EPN1: variants seen among roughly 807,000 people sequenced by gnomAD.
EPN1 encodes epsin-1.
EPN1 carries 25 observed loss-of-function variants against 56.9 expected under a neutral mutation model. The ratio of observed to expected loss-of-function variants is 0.44; its 90% CI spans 0.32 to 0.61. The LOEUF (loss-of-function observed/expected upper bound fraction) is 0.61, where lower values mean the gene tolerates loss of function less well. EPN1 is among the 20% of genes least tolerant of loss of function. The pLI, the probability that EPN1 is intolerant of heterozygous loss-of-function variation, is 0.05. For synonymous variants in EPN1, 411 were observed against 361.8 expected, an observed-to-expected ratio of 1.14 and a Z score of -1.54; for missense variants, 785 against 823.7, an observed-to-expected ratio of 0.95 and a Z score of 0.58.
chr19:55,693,348 C>G (rs368106628), intron 9 of EPN1: 3 of 349,148 alleles, frequency 8.6e-6, no homozygotes, highest in Non-Finnish European at 1.6e-5. Flanking sequence ...CCAGGTGTCT[C>G]AAAGAACACG....
rs1208932697 is a variant in EPN1, at chr19:55,701,488, TTC to T, written c.*6136_*6137del. 1.3e-5 allele frequency: 2 copies of T among 152,286 alleles called. No homozygotes were observed. Among genetic ancestry groups the T allele is most frequent in the Middle Eastern group, 3.4e-3 (1 of 294 alleles). The allele number at this position is 152,286 out of a possible 1,614,324, so 9.4% of individuals were successfully genotyped here. ...AAATGATACTGTTTCCTGTATTTTTTTCTCTTAGTATCTTAAGAAATACATGA... is the reference window on the plus strand; with the variant it reads ...AAATGATACTGTTTCCTGTATTTTTTTCTTAGTATCTTAAGAAATACATGA... On this transcript the variant is annotated 3_prime_UTR_variant, in exon 11 of 11. Coordinates refer to ENST00000270460, the MANE Select transcript of EPN1 (RefSeq NM_001130072.2).
In EPN1 at chr19:55,695,800, C is replaced by T. The variant is rs1157915770; in HGVS notation, c.*444C>T. On this transcript the variant is annotated 3_prime_UTR_variant, in exon 11 of 11. Transcript: ENST00000270460. The surrounding 1 kb of genome is among the most constrained non-coding windows in gnomAD (Gnocchi z 4.4). Reference sequence around the variant, plus strand: ...ATTCCCATCTGTGATTTCGTGTGTCCCCCAGAGCCCCTTCATCCAGGGACC... The same window carrying T: ...ATTCCCATCTGTGATTTCGTGTGTCTCCCAGAGCCCCTTCATCCAGGGACC... 1.2e-5 allele frequency: 2 copies of T among 162,030 alleles called. No individual in the cohort carries two copies. Among genetic ancestry groups the T allele is most frequent in the African/African-American group, 2.4e-5 (1 of 41,604 alleles). The allele number at this position is 162,030 out of a possible 1,614,324, so 10.0% of individuals were successfully genotyped here. A position where few individuals can be genotyped will look rare whatever the true frequency, so the allele number is the denominator to read the frequency against.
chr19:55,678,826 C>T lies in EPN1; in HGVS notation c.199C>T (p.His67Tyr). Residue 67 changes from histidine (H) to tyrosine (Y), a missense_variant, in exon 2 of 11, where the codon CAT becomes TAT. Coordinates refer to ENST00000270460, the MANE Select transcript of EPN1 (RefSeq NM_001130072.2). The stretch of plus-strand genomic sequence containing the variant: ...CATGATCTGGAAGCGGCTCAATGAC[C>T]ATGGCAAGAACTGGCGTCACGTTTA... ...MSMIWKRLND[H>Y]GKNWRHVYKA... 1 of 1,613,132 alleles carries T rather than the reference C, an allele frequency of 6.2e-7. No individual in the cohort carries two copies. The highest frequency in any genetic ancestry group is 2.2e-5 in the East Asian group (1 of 44,864).
chr19:55,678,208 A>G (rs1985568326), intron 1 of EPN1, among the ~76,000 whole-genome samples: 1 of 152,208 alleles, frequency 6.6e-6, no homozygotes, highest in African/African-American at 2.4e-5. Flanking sequence ...AGATGACCGC[A>G]TGGAGCCCCA....
chr19:55,692,324 C>T (rs966236292), intron 7 of EPN1, among the ~76,000 whole-genome samples: 13 of 142,558 alleles, frequency 9.1e-5, no homozygotes, highest in East Asian at 2.1e-4. Context: ...CAAGGCAGAG[C>T]GTGTGTGACG....
Position 55,706,280 on chromosome 19 carries a change from C to CTTTTTTTTTTTTTTTTTT in EPN1, c.*10926_*10927insTTTTTTTTTTTTTTTTTT, listed in dbSNP as rs1323034565. 5 of 129,314 alleles carry CTTTTTTTTTTTTTTTTTT rather than the reference C, an allele frequency of 3.9e-5. No homozygotes were observed. The highest frequency in any genetic ancestry group is 2.3e-4 in the South Asian group (1 of 4,286). The allele number at this position is 129,314 out of a possible 1,614,324, so 8.0% of individuals were successfully genotyped here. On this transcript the variant is annotated 3_prime_UTR_variant, in exon 11 of 11. Transcript: ENST00000270460. Reference sequence around the variant, plus strand: ...TTTCTTCCTTTCTTCTCTTTTTCTTCTTCTTTTTTTTTTTTTTTTAAAAGA... The same window carrying CTTTTTTTTTTTTTTTTTT: ...TTTCTTCCTTTCTTCTCTTTTTCTTCTTTTTTTTTTTTTTTTTTTTCTTTTTTTTTTTTTTTTAAAAGA...
At chr19:55,676,397 A>G (rs1486814918) in intron 1 of EPN1, among the ~76,000 whole-genome samples, 2 of 152,234 alleles carry the variant, frequency 1.3e-5, no homozygotes, top group East Asian at 1.9e-4. Context: ...GCAGTATCTG[A>G]GAAATCTCAG....
At position 55,694,709 on chromosome 19, in the gene EPN1, C is replaced by T. The variant is rs757697421; in HGVS notation, c.1265-17C>T. 1.9e-6 allele frequency: 3 copies of T among 1,546,748 alleles called. No homozygotes were observed. The highest frequency in any genetic ancestry group is 2.6e-6 in the Non-Finnish European group (3 of 1,145,768). On this transcript the variant is annotated splice_polypyrimidine_tract_variant and intron_variant, in intron 9 of 10. Coordinates refer to ENST00000270460, the MANE Select transcript of EPN1 (RefSeq NM_001130072.2). The surrounding 1 kb of genome is among the most constrained non-coding windows in gnomAD (Gnocchi z 4.2). ...TGCTGTCTGCCCTGTCTGAGCCCCT[C>T]TCCCGGATCCTTCCAGGAGAGCTGG...
At chr19:55,692,154 G>A in intron 7 of EPN1, 97 bp downstream of exon 7, 10 of 1,239,640 alleles carry the variant, frequency 8.1e-6, no homozygotes, top group African/African-American at 3.1e-5. Context: ...AGCCAGTGGC[G>A]CCGGGCAGTG....
At chr19:55,688,832 C>G in intron 3 of EPN1, 38 bp from the exon 4 acceptor site, 3 of 1,562,298 alleles carry the variant, frequency 1.9e-6, no homozygotes, top group Non-Finnish European at 1.7e-6. Context: ...CTCTCGTTCC[C>G]TGGTCTGGGT....
intron 2 of EPN1, among the ~76,000 whole-genome samples, chr19:55,681,536 T>G (rs1342765875): frequency 6.6e-6 from 1 of 152,170 alleles, no homozygotes; most frequent in Non-Finnish European, 1.5e-5. Context: ...AAATAAAGTT[T>G]TATTGGAACA....
chr19:55,706,685 G>GAC lies in EPN1; in HGVS notation c.*11330_*11331insCA, dbSNP rs1987437547. ...AGAAAAGAGGGGAAGGGAAGGGAGA[G>GAC]ATTTAAAAAACAATAGTAAAGAGAG... On this transcript the variant is annotated 3_prime_UTR_variant, in exon 11 of 11. Coordinates refer to ENST00000270460, the MANE Select transcript of EPN1 (RefSeq NM_001130072.2). 1.3e-5 allele frequency: 2 copies of GAC among 149,884 alleles called. No individual in the cohort carries two copies. Among genetic ancestry groups the GAC allele is most frequent in the African/African-American group, 4.9e-5 (2 of 40,790 alleles). The allele number at this position is 149,884 out of a possible 1,614,324, so 9.3% of individuals were successfully genotyped here. A position where few individuals can be genotyped will look rare whatever the true frequency, so the allele number is the denominator to read the frequency against.
At chr19:55,687,398 A>G (rs1178026873) in intron 3 of EPN1, among the ~76,000 whole-genome samples, 1 of 152,118 alleles carries the variant, frequency 6.6e-6, no homozygotes, top group African/African-American at 2.4e-5. Flanking sequence ...GGTGATGGGA[A>G]GGCCCGGGTG....
In EPN1 at chr19:55,703,011, G is replaced by A. The variant is rs1383547193; in HGVS notation, c.*7655G>A. 1 of 152,166 alleles carries A rather than the reference G, an allele frequency of 6.6e-6. No homozygotes were observed. Among genetic ancestry groups the A allele is most frequent in the East Asian group, 1.9e-4 (1 of 5,180 alleles). 9.4% of individuals were successfully genotyped at this position (152,166 alleles called of 1,614,324 possible). On this transcript the variant is annotated 3_prime_UTR_variant, in exon 11 of 11. Coordinates refer to ENST00000270460, the MANE Select transcript of EPN1 (RefSeq NM_001130072.2). ...AGACGGGGTTTCACCGTGTTAGCCA[G>A]GATGGTCTCAATCTGACCTTGTGAT... is the stretch of plus-strand genomic sequence containing the variant.
chr19:55,693,918 T>C (rs2122218887), intron 9 of EPN1, among the ~76,000 whole-genome samples: 1 of 152,266 alleles, frequency 6.6e-6, no homozygotes, highest in East Asian at 1.9e-4. Flanking sequence ...CTTAAATCTA[T>C]TTAAAAGGAA....
chr19:55,677,029 G>A, intron 1 of EPN1: 1 of 1,344,222 alleles, frequency 7.4e-7, no homozygotes, highest in Non-Finnish European at 1.0e-6. Context: ...TTTTTAACTA[G>A]CTACATCTGT....
Position 55,705,808 on chromosome 19 carries a change from G to GATATATATATAT in EPN1, c.*10461_*10472dup, listed in dbSNP as rs57606788. On this transcript the variant is annotated 3_prime_UTR_variant, in exon 11 of 11. Coordinates refer to ENST00000270460, the MANE Select transcript of EPN1 (RefSeq NM_001130072.2). ...GTGGCTGGAATATTTGTTGTTGTGG[G>GATATATATATAT]ATATATATATATATATATATTTAGA... 1.9e-3 allele frequency: 198 copies of GATATATATATAT among 103,148 alleles called. 6 individuals carry two copies. The highest frequency in any genetic ancestry group is 6.8e-3 in the African/African-American group (149 of 21,940). The allele number at this position is 103,148 out of a possible 1,614,324, so 6.4% of individuals were successfully genotyped here. A position where few individuals can be genotyped will look rare whatever the true frequency, so the allele number is the denominator to read the frequency against.
At position 55,692,004 on chromosome 19, in the gene EPN1, C is replaced by T. The variant is rs779995954; in HGVS notation, c.1013C>T (p.Pro338Leu). 2.0e-6 allele frequency: 3 copies of T among 1,478,384 alleles called. No homozygotes were observed. Among genetic ancestry groups the T allele is most frequent in the East Asian group, 2.4e-5 (1 of 41,732 alleles). The allele number at this position is 1,478,384 out of a possible 1,614,324, so 91.6% of individuals were successfully genotyped here. A position where few individuals can be genotyped will look rare whatever the true frequency, so the allele number is the denominator to read the frequency against. The change falls in exon 7 of 11, where the codon CCA becomes CTA. Residue 338 changes from proline to leucine, a missense_variant. This residue lies in a region of EPN1 where 650 missense variants were observed against 605.0 expected (regional missense o/e 1.07). Transcript: ENST00000270460. ...TCAGTTGACCCTTGGGGTGGGACCCCAGCCCCTGCAGCTGGGGAGGGGCCC... is the reference window on the plus strand; with the variant it reads ...TCAGTTGACCCTTGGGGTGGGACCCTAGCCCCTGCAGCTGGGGAGGGGCCC... ...GPSVDPWGGT[P>L]APAAGEGPTP...
rs1325184455 is a variant in EPN1, at chr19:55,692,952, AGCCGGGGGATTCGACACGGAGCCC to A, written c.1181_1204del (p.Ala394_Pro401del). ...GAGCAGAACATCCTGACCCCACAGC[AGCCGGGGGATTCGACACGGAGCCC>A]GACGAGTTCTCTGACTTTGACCGAC... On this transcript the variant is annotated inframe_deletion and splice_region_variant, in exon 9 of 11. Coordinates refer to ENST00000270460, the MANE Select transcript of EPN1 (RefSeq NM_001130072.2). 1.2e-6 allele frequency: 2 copies of A among 1,613,454 alleles called. No homozygotes were observed. Among genetic ancestry groups the A allele is most frequent in the East Asian group, 4.5e-5 (2 of 44,868 alleles).
Sources: gnomAD v4.1 joint callset for allele counts (sites outside exome capture counted in the v4.1 genomes callset) on GRCh38, gnomAD v4.1.1 for gene constraint, gnomAD v4.1.1 regional missense constraint, Gnocchi (gnomAD v3.1) non-coding constraint, MANE v1.5 for transcripts, NCBI Gene and HGNC (gene_info 2026-07-23, HGNC 2026-07-21) for gene names.